TMEM242: variants seen among roughly 807,000 people sequenced by gnomAD.
TMEM242 encodes transmembrane protein 242.
A neutral mutation model predicts 18.2 loss-of-function variants in TMEM242; 10 were observed. The ratio of observed to expected loss-of-function variants is 0.55; its 90% CI spans 0.34 to 0.93. The LOEUF (loss-of-function observed/expected upper bound fraction) is 0.93. Ranked by LOEUF, TMEM242 falls within the 40% of genes least tolerant of loss-of-function variation. TMEM242 has a pLI of 0.02. For synonymous variants in TMEM242, 57 were observed against 69.9 expected (o/e 0.81, Z 0.92); for missense variants, 186 against 175.5 (o/e 1.06, Z -0.34).
Position 157,305,608 on chromosome 6 carries a change from T to C in TMEM242, c.328-12609A>G, listed in dbSNP as rs1202343323. On this transcript the variant is annotated intron_variant, in intron 3 of 3. Coordinates refer to ENST00000400788, the MANE Select transcript of TMEM242 (RefSeq NM_018452.6). This position sits in a 1 kb window ranked among gnomAD's most constrained non-coding sequence, Gnocchi z 4.1. ...GACGAAAGAGCCAAGGGGCGGAGGA[T>C]AGATGGAGGACAGAAGAGTTTAAGT... is the stretch of plus-strand genomic sequence containing the variant. 6.6e-6 allele frequency among the ~76,000 whole-genome samples: 1 copy of C among 151,934 alleles called. No homozygotes were observed. The highest frequency in any genetic ancestry group is 2.4e-5 in the African/African-American group (1 of 41,350).
chr6:157,295,350 A>G (rs1185353289), intron 3 of TMEM242, among the ~76,000 whole-genome samples: 2 of 152,230 alleles, frequency 1.3e-5, no homozygotes, highest in East Asian at 1.9e-4. Context: ...GGAACTTTGC[A>G]TAGACTTTTG....
At chr6:157,315,337 C>T (rs1778369701) in intron 3 of TMEM242, among the ~76,000 whole-genome samples, 1 of 152,194 alleles carries the variant, frequency 6.6e-6, no homozygotes, top group Non-Finnish European at 1.5e-5. Flanking sequence ...TCAGGAGAGA[C>T]CCACAAATGA....
At chr6:157,304,567 A>G (rs150505578) in intron 3 of TMEM242, among the ~76,000 whole-genome samples, 1 of 152,044 alleles carries the variant, frequency 6.6e-6, no homozygotes, top group East Asian at 1.9e-4. Context: ...AATACTTACT[A>G]AACACCTACA....
At chr6:157,319,822 T>C (rs1373156822) in intron 2 of TMEM242, among the ~76,000 whole-genome samples, 2 of 152,194 alleles carry the variant, frequency 1.3e-5, no homozygotes, top group African/African-American at 2.4e-5. Flanking sequence ...ATTTCTTCCC[T>C]AGAAGTATCC....
chr6:157,316,118 C>T (rs587681243), intron 3 of TMEM242, among the ~76,000 whole-genome samples: 1 of 152,120 alleles, frequency 6.6e-6, no homozygotes, highest in African/African-American at 2.4e-5. Context: ...AGTTTGTGAC[C>T]CACATTACTA....
chr6:157,321,201 G>A (rs1488364176), intron 2 of TMEM242, among the ~76,000 whole-genome samples: 1 of 151,690 alleles, frequency 6.6e-6, no homozygotes, highest in Admixed American at 6.6e-5. Flanking sequence ...GTAGAGACGG[G>A]GTTTCATCGT....
At chr6:157,313,435 CATAGTGCCCCAGTCTG>C in intron 3 of TMEM242, among the ~76,000 whole-genome samples, 1 of 91,060 alleles carries the variant, frequency 1.1e-5, no homozygotes. Context: ...CTGGCCTCAT[CATAGTGCCCCAGTCTG>C]CGCTCACCTG....
At chr6:157,299,332 T>C in intron 3 of TMEM242, 1 of 929,586 alleles carries the variant, frequency 1.1e-6, no homozygotes, top group Non-Finnish European at 1.8e-6. Flanking sequence ...CATTTTTCCA[T>C]TGTTCAGGAT....
intron 3 of TMEM242, among the ~76,000 whole-genome samples, chr6:157,312,286 C>G (rs1778170000): frequency 6.6e-6 from 1 of 151,404 alleles, no homozygotes; most frequent in African/African-American, 2.4e-5. Flanking sequence ...CTAGCCTCAA[C>G]ATAGTGCCCC....
intron 3 of TMEM242, among the ~76,000 whole-genome samples, chr6:157,296,139 G>A (rs1199867327): frequency 1.3e-5 from 2 of 152,182 alleles, no homozygotes; most frequent in African/African-American, 4.8e-5. Context: ...TAAAGTAAAT[G>A]TACTGAATTC....
At chr6:157,299,504 C>T (rs370121199) in intron 3 of TMEM242, 8 of 1,438,768 alleles carry the variant, frequency 5.6e-6, no homozygotes, top group African/African-American at 4.2e-5. Flanking sequence ...GAAACAAAAA[C>T]GAGCAGTATC....
chr6:157,311,448 G>A (rs587671470), intron 3 of TMEM242, among the ~76,000 whole-genome samples: 1 of 115,014 alleles, frequency 8.7e-6, no homozygotes, highest in Non-Finnish European at 1.8e-5. Flanking sequence ...TAGTGTCCCA[G>A]TGTGCAATCA....
intron 3 of TMEM242, among the ~76,000 whole-genome samples, chr6:157,295,474 A>G (rs1470909713): frequency 1.3e-5 from 2 of 152,206 alleles, no homozygotes; most frequent in African/African-American, 4.8e-5. Context: ...CAATTTTCAA[A>G]TGGGATGTCA....
At position 157,293,489 on chromosome 6, in the gene TMEM242, G is replaced by T. The variant is rs113703924; in HGVS notation, c.328-490C>A. Among the ~76,000 whole-genome samples, 1,233 of 152,224 alleles carry T rather than the reference G, an allele frequency of 8.1e-3. 18 individuals are homozygous for T. The highest frequency in any genetic ancestry group is 0.027 in the African/African-American group (1,124 of 41,528). ...TGTATTGTTGGCTTTCATATATAAA[G>T]ATGCCATTGAGGATGGGATTTCTTT... On this transcript the variant is annotated intron_variant, in intron 3 of 3. Coordinates refer to ENST00000400788, the MANE Select transcript of TMEM242 (RefSeq NM_018452.6).
chr6:157,294,380 T>C (rs1237535971), intron 3 of TMEM242, among the ~76,000 whole-genome samples: 1 of 143,852 alleles, frequency 7.0e-6, no homozygotes. Context: ...AGACGGAGTC[T>C]GGCTCTGTCG....
chr6:157,322,983 A>C (rs1778519693), intron 1 of TMEM242, among the ~76,000 whole-genome samples, 178 bp from the exon 2 acceptor site: 1 of 152,200 alleles, frequency 6.6e-6, no homozygotes, highest in Admixed American at 6.5e-5. Context: ...CGGCTGAGAA[A>C]CACGCGTGAC....
chr6:157,316,534 T>C (rs1265000738), intron 3 of TMEM242, among the ~76,000 whole-genome samples: 1 of 152,170 alleles, frequency 6.6e-6, no homozygotes, highest in Non-Finnish European at 1.5e-5. Context: ...TCAAGCAATC[T>C]CTAATTTAGC....
chr6:157,311,223 T>C (rs1583565146), intron 3 of TMEM242, among the ~76,000 whole-genome samples: 18 of 105,324 alleles, frequency 1.7e-4, no homozygotes, highest in Non-Finnish European at 2.9e-4. Context: ...TGCGCTCACC[T>C]AGCCTCATCA....
chr6:157,311,496 A>G (rs1200125588), intron 3 of TMEM242, among the ~76,000 whole-genome samples: 7 of 83,632 alleles, frequency 8.4e-5, no homozygotes, highest in Non-Finnish European at 1.5e-4. Flanking sequence ...GCACTCACCT[A>G]GCCTCAGCAT....
Sources: gnomAD v4.1 joint callset for allele counts (sites outside exome capture counted in the v4.1 genomes callset) on GRCh38, gnomAD v4.1.1 for gene constraint, Gnocchi (gnomAD v3.1) non-coding constraint, MANE v1.5 for transcripts, NCBI Gene and HGNC (gene_info 2026-07-23, HGNC 2026-07-21) for gene names.